Variants in ATG9A observed in about 807,000 individuals in gnomAD.
ATG9A encodes autophagy-related protein 9A.
A neutral mutation model predicts 87.1 loss-of-function variants in ATG9A; 21 were observed. The observed-to-expected ratio is 0.24, with a 90% confidence interval of 0.17 to 0.35. The LOEUF is 0.35. Among genes scored for constraint, ATG9A ranks in the 10% least tolerant of loss-of-function variants. The probability of loss-of-function intolerance (pLI) is 1.00; values close to 1 mark genes in which losing one functional copy is unlikely to be tolerated. For missense variants in ATG9A, 836 were observed against 1,107.3 expected, an observed-to-expected ratio of 0.76 and a Z score of 3.48; for synonymous variants, 422 against 441.3, an observed-to-expected ratio of 0.96 and a Z score of 0.55.
chr2:219,226,954 TAGTC>T lies in ATG9A; in HGVS notation c.148-25_148-22del, dbSNP rs756110584. 4.4e-6 allele frequency: 7 copies of T among 1,600,680 alleles called. No homozygotes were observed. In the South Asian group the frequency reaches 5.5e-5, roughly 13 times the overall value. ...TAAACGTGTAATTGTTAAGAAAAAG[TAGTC>T]AGTAAAGAAAGCAGGTAAGAGCACA... On this transcript the variant is annotated intron_variant, in intron 4 of 15. Coordinates refer to ENST00000361242, the MANE Select transcript of ATG9A (RefSeq NM_001077198.3).
chr2:219,226,256 G>T (rs1028765671), intron 5 of ATG9A, among the ~76,000 whole-genome samples: 1 of 152,092 alleles, frequency 6.6e-6, no homozygotes, highest in Admixed American at 6.5e-5. Flanking sequence ...GATTACAGGC[G>T]TGTGCCACCA....
intron 5 of ATG9A, among the ~76,000 whole-genome samples, chr2:219,226,299 CT>C (rs1284316903): frequency 8.5e-5 from 13 of 152,136 alleles, no homozygotes; most frequent in African/African-American, 2.9e-4. Context: ...TTAGAGCCTC[CT>C]AAAGTGCTGG....
Position 219,224,428 on chromosome 2 carries a change from T to G in ATG9A, c.943A>C (p.Ser315Arg). 6.2e-7 allele frequency: 1 copy of G among 1,614,054 alleles called. No individual in the cohort carries two copies. The highest frequency in any genetic ancestry group is 8.5e-7 in the Non-Finnish European group (1 of 1,180,006). The change falls in exon 8 of 16, where the codon AGC becomes CGC. Residue 315 changes from serine (S) to arginine (R), a missense_variant. Physicochemically the swap from Ser to Arg is moderately radical, Grantham distance 110. Coordinates refer to ENST00000361242, the MANE Select transcript of ATG9A (RefSeq NM_001077198.3). This position sits in a 1 kb window ranked among gnomAD's most constrained non-coding sequence, Gnocchi z 7.7. ...TCCCGCTTCAGCACCTCAGCATAGC[T>G]GAAGAAGGCATAGAGGATTTGCCAT... ...LIWQILYAFF[S>R]YAEVLKREPG...
chr2:219,224,686 G>A lies in ATG9A; in HGVS notation c.685C>T (p.Pro229Ser). The A allele has an allele frequency of 6.2e-7, 1 of 1,614,226 alleles. No individual in the cohort carries two copies. Reference sequence around the variant, plus strand: ...AGGCCAGGCAGGCGGAAGCGCAGAGGCAGGAGGGATTTGTTAACCAGTGCC... The same window carrying A: ...AGGCCAGGCAGGCGGAAGCGCAGAGACAGGAGGGATTTGTTAACCAGTGCC... ...MVALVNKSLL[P>S]LRFRLPGLGE... The change falls in exon 8 of 16, where the codon CCT becomes TCT. Residue 229 changes from proline to serine, a missense_variant. Pro to Ser is a moderately conservative substitution (Grantham distance 74). Transcript: ENST00000361242. The surrounding 1 kb of genome is among the most constrained non-coding windows in gnomAD (Gnocchi z 7.7).
At chr2:219,226,772 T>A in intron 5 of ATG9A, 97 bp downstream of exon 5, 1 of 1,132,046 alleles carries the variant, frequency 8.8e-7, no homozygotes, top group Non-Finnish European at 1.3e-6. Context: ...AGCCTAGGAC[T>A]GAGTTGTACT....
Position 219,224,669 on chromosome 2 carries a change from C to G in ATG9A, c.702G>C (p.Leu234=). The change falls in exon 8 of 16, where the codon CTG becomes CTC. Residue 234 remains leucine, a synonymous_variant. Transcript: ENST00000361242. The surrounding 1 kb of genome is among the most constrained non-coding windows in gnomAD (Gnocchi z 7.7). The part of the protein sequence containing the change: ...NKSLLPLRFR[L]PGLGEAVFFT... ...AGAAGACAGCTTCCCCGAGGCCAGGCAGGCGGAAGCGCAGAGGCAGGAGGG... is the reference window on the plus strand; with the variant it reads ...AGAAGACAGCTTCCCCGAGGCCAGGGAGGCGGAAGCGCAGAGGCAGGAGGG... 6.2e-7 allele frequency: 1 copy of G among 1,614,218 alleles called. No individual in the cohort carries two copies. Among genetic ancestry groups the G allele is most frequent in the Non-Finnish European group, 8.5e-7 (1 of 1,180,054 alleles).
rs768896406 is a variant in ATG9A, at chr2:219,224,865, G to T, written c.517-11C>A. On this transcript the variant is annotated splice_polypyrimidine_tract_variant and intron_variant, in intron 7 of 15. Coordinates refer to ENST00000361242, the MANE Select transcript of ATG9A (RefSeq NM_001077198.3). The surrounding 1 kb of genome is among the most constrained non-coding windows in gnomAD (Gnocchi z 7.7). ...ATACGGAAGGGCAGACTGCGGGGTG[G>T]GGTGGGGAAGAGACAAGGTACGGAA... 7 of 1,513,894 alleles carry T rather than the reference G, an allele frequency of 4.6e-6. No homozygotes were observed. Among genetic ancestry groups the T allele is most frequent in the Non-Finnish European group, 6.2e-6 (7 of 1,122,180 alleles). 93.8% of individuals were successfully genotyped at this position (1,513,894 alleles called of 1,614,324 possible).
rs2106440101 is a variant in ATG9A, at chr2:219,223,529, G to A, written c.1599+56C>T. ...GGTGTCTTTTTGCGGTTTTCCCAAA[G>A]ACACTGTATGTTCCAGCATCATCCC... On this transcript the variant is annotated intron_variant, in intron 10 of 15. Transcript: ENST00000361242. The surrounding 1 kb of genome is among the most constrained non-coding windows in gnomAD (Gnocchi z 4.7). 6 of 1,523,848 alleles carry A rather than the reference G, an allele frequency of 3.9e-6. No homozygotes were observed. The South Asian group carries it at 7.7e-5, about 20-fold the overall frequency. 94.4% of individuals were successfully genotyped at this position (1,523,848 alleles called of 1,614,324 possible).
In ATG9A at chr2:219,223,855, C is replaced by G. The variant is rs1162394225; in HGVS notation, c.1419+14G>C. The G allele has an allele frequency of 6.2e-7, 1 of 1,614,142 alleles. No individual in the cohort carries two copies. Among genetic ancestry groups the G allele is most frequent in the Non-Finnish European group, 8.5e-7 (1 of 1,180,034 alleles). On this transcript the variant is annotated intron_variant, in intron 9 of 15. Transcript: ENST00000361242. The surrounding 1 kb of genome is among the most constrained non-coding windows in gnomAD (Gnocchi z 4.7). ...AGCCAGTCTCTAGCAGGCCCTAACT[C>G]CAACTCCACTCACTGCCTTGTACTG...
At position 219,222,917 on chromosome 2, in the gene ATG9A, G is replaced by T; in HGVS notation, c.1600-24C>A. 4 of 1,612,698 alleles carry T rather than the reference G, an allele frequency of 2.5e-6. No individual in the cohort carries two copies. Among genetic ancestry groups the T allele is most frequent in the Non-Finnish European group, 3.4e-6 (4 of 1,179,416 alleles). On this transcript the variant is annotated intron_variant, in intron 10 of 15. Transcript: ENST00000361242. The surrounding 1 kb of genome is among the most constrained non-coding windows in gnomAD (Gnocchi z 4.3). Reference sequence around the variant, plus strand: ...CACTGCACAAGGAAGAGCAGAGTAAGCAGGGCTGTTCTCTTCCAGGAGCCT... The same window carrying T: ...CACTGCACAAGGAAGAGCAGAGTAATCAGGGCTGTTCTCTTCCAGGAGCCT...
chr2:219,228,406 A>C (rs878973788), intron 2 of ATG9A, 28 bp downstream of exon 2: 2 of 200,846 alleles, frequency 1.0e-5, no homozygotes, highest in East Asian at 1.3e-4. Context: ...TTCACAAACA[A>C]ATGTTTGAGA....
At position 219,224,057 on chromosome 2, in the gene ATG9A, T is replaced by C. The variant is rs1277092950; in HGVS notation, c.1266-35A>G. 8.1e-6 allele frequency: 13 copies of C among 1,605,500 alleles called. No homozygotes were observed. Among genetic ancestry groups the C allele is most frequent in the South Asian group, 2.2e-5 (2 of 89,984 alleles). The stretch of plus-strand genomic sequence containing the variant: ...TCAGGATCATGGTGAGATGTATGCC[T>C]TTCCCAGGAATGCTAGCCGGCTTGC... On this transcript the variant is annotated intron_variant, in intron 8 of 15. Coordinates refer to ENST00000361242, the MANE Select transcript of ATG9A (RefSeq NM_001077198.3). The surrounding 1 kb of genome is among the most constrained non-coding windows in gnomAD (Gnocchi z 7.7).
rs1950804316 is a variant in ATG9A, at chr2:219,223,439, A to T, written c.1599+146T>A. 2 of 1,060,168 alleles carry T rather than the reference A, an allele frequency of 1.9e-6. No homozygotes were observed. The highest frequency in any genetic ancestry group is 6.2e-5 in the Admixed American group (2 of 32,438). 65.7% of individuals were successfully genotyped at this position (1,060,168 alleles called of 1,614,324 possible). ...GGCCAAGGGTGCGAATTAGGGCTGA[A>T]ATCCAGCCCAGGCTCCCAAGCAGTG... On this transcript the variant is annotated intron_variant, in intron 10 of 15. Transcript: ENST00000361242. The surrounding 1 kb of genome is among the most constrained non-coding windows in gnomAD (Gnocchi z 4.7).
At position 219,223,290 on chromosome 2, in the gene ATG9A, G is replaced by A. The variant is rs898736433; in HGVS notation, c.1599+295C>T. 6.6e-6 allele frequency among the ~76,000 whole-genome samples: 1 copy of A among 151,956 alleles called. No homozygotes were observed. On this transcript the variant is annotated intron_variant, in intron 10 of 15. Transcript: ENST00000361242. The surrounding 1 kb of genome is among the most constrained non-coding windows in gnomAD (Gnocchi z 4.7). ...TTTTTAGTAGAGAAGGGGTTTCACC[G>A]TGTTAGCCAGGATGGTCTCGATCTC... is the stretch of plus-strand genomic sequence containing the variant.
At chr2:219,227,665 C>T (rs1360413133) in intron 4 of ATG9A, 105 bp downstream of exon 4, 11 of 1,350,490 alleles carry the variant, frequency 8.1e-6, no homozygotes, top group African/African-American at 2.9e-5. Flanking sequence ...GCTCCATTCC[C>T]GTTTCCAGGT....
chr2:219,226,803 A>C (rs566130117), intron 5 of ATG9A, 66 bp downstream of exon 5: 1 of 1,463,652 alleles, frequency 6.8e-7, no homozygotes, highest in African/African-American at 1.4e-5. Context: ...GCCAAGTGTG[A>C]GTGCAAGGAG....
chr2:219,224,439 T>C lies in ATG9A; in HGVS notation c.932A>G (p.Tyr311Cys). ...CPLILIWQIL[Y>C]AFFSYAEVLK... Reference sequence around the variant, plus strand: ...CACCTCAGCATAGCTGAAGAAGGCATAGAGGATTTGCCATATGAGGATGAG... The same window carrying C: ...CACCTCAGCATAGCTGAAGAAGGCACAGAGGATTTGCCATATGAGGATGAG... The change falls in exon 8 of 16, where the codon TAT becomes TGT. Residue 311 changes from tyrosine to cysteine, a missense_variant. By Grantham distance (194) the Tyr-to-Cys change is radical. Coordinates refer to ENST00000361242, the MANE Select transcript of ATG9A (RefSeq NM_001077198.3). This position sits in a 1 kb window ranked among gnomAD's most constrained non-coding sequence, Gnocchi z 7.7. 1.2e-6 allele frequency: 2 copies of C among 1,613,966 alleles called. No individual in the cohort carries two copies. Among genetic ancestry groups the C allele is most frequent in the South Asian group, 1.1e-5 (1 of 91,074 alleles).
At chr2:219,227,173 C>T (rs1950879100) in intron 4 of ATG9A, among the ~76,000 whole-genome samples, 1 of 152,186 alleles carries the variant, frequency 6.6e-6, no homozygotes, top group Non-Finnish European at 1.5e-5. Flanking sequence ...ACAGAGCTGA[C>T]ACAGAATGAG....
chr2:219,221,284 G>C lies in ATG9A; in HGVS notation c.2164C>G (p.Gln722Glu). The change falls in exon 14 of 16, where the codon CAG becomes GAG. Residue 722 changes from glutamine (Q) to glutamate (E), a missense_variant. This residue lies in a region of ATG9A where 324 missense variants were observed against 347.6 expected (regional missense o/e 0.93). Coordinates refer to ENST00000361242, the MANE Select transcript of ATG9A (RefSeq NM_001077198.3). ...CATACATGCCGCTCAGGTTCAGCCT[G>C]GGCCTGCTGCTTGTGGAGCTGGAGA... ...YMHQLHKQQA[Q>E]AEPERHVWHR... 6.4e-7 allele frequency: 1 copy of C among 1,564,672 alleles called. No homozygotes were observed. Among genetic ancestry groups the C allele is most frequent in the Middle Eastern group, 1.7e-4 (1 of 5,792 alleles).
Sources: gnomAD v4.1 joint callset for allele counts (sites outside exome capture counted in the v4.1 genomes callset) on GRCh38, gnomAD v4.1.1 for gene constraint, gnomAD v4.1.1 regional missense constraint, Gnocchi (gnomAD v3.1) non-coding constraint, MANE v1.5 for transcripts, NCBI Gene and HGNC (gene_info 2026-07-23, HGNC 2026-07-21) for gene names.